MGRN1: variants seen among roughly 807,000 people sequenced by gnomAD.
MGRN1 encodes the protein E3 ubiquitin-protein ligase MGRN1.
MGRN1 carries 29 observed loss-of-function variants against 69.2 expected under a neutral mutation model. The observed-to-expected ratio is 0.42, with a 90% CI of 0.31 to 0.57. MGRN1 has a LOEUF of 0.57. Ranked by LOEUF, MGRN1 falls within the 20% of genes least tolerant of loss-of-function variation. MGRN1 has a pLI of 0.15. For missense variants in MGRN1, 998 were observed against 796.2 expected, an observed-to-expected ratio of 1.25 and a Z score of -3.05; for synonymous variants, 470 against 344.2, an observed-to-expected ratio of 1.37 and a Z score of -4.04.
At chr16:4,630,744 C>G (rs1567166330) in intron 1 of MGRN1, among the ~76,000 whole-genome samples, 1 of 151,320 alleles carries the variant, frequency 6.6e-6, no homozygotes, top group Non-Finnish European at 1.5e-5. Context: ...TGTGCCCGGC[C>G]TTTTCTAGAA....
chr16:4,665,252 G>A lies in MGRN1; in HGVS notation c.678+101G>A. 4 of 1,298,342 alleles carry A rather than the reference G, an allele frequency of 3.1e-6. No homozygotes were observed. In the South Asian group the frequency reaches 5.1e-5, roughly 17 times the overall value. 80.4% of individuals were successfully genotyped at this position (1,298,342 alleles called of 1,614,324 possible). ...TGAGCAGGGGCTGGGGCTTGGTGGG[G>A]TGGCTGAGTGTCAAGGGCCCCGGGG... On this transcript the variant is annotated intron_variant, in intron 7 of 16. Coordinates refer to ENST00000262370, the MANE Select transcript of MGRN1 (RefSeq NM_015246.4).
chr16:4,679,619 C>T (rs551819753), intron 11 of MGRN1, among the ~76,000 whole-genome samples: 9 of 152,340 alleles, frequency 5.9e-5, no homozygotes, highest in East Asian at 3.9e-4. Flanking sequence ...GATAAGTGAG[C>T]GGCGGTGCCT....
chr16:4,643,170 G>T (rs750530687), intron 1 of MGRN1, among the ~76,000 whole-genome samples: 8 of 151,956 alleles, frequency 5.3e-5, no homozygotes, highest in Non-Finnish European at 1.2e-4. Context: ...TGGCCAGGCT[G>T]GTCTCAATCT....
At chr16:4,644,235 A>AC (rs969410880) in intron 1 of MGRN1, among the ~76,000 whole-genome samples, 10 of 134,436 alleles carry the variant, frequency 7.4e-5, no homozygotes, top group African/African-American at 1.4e-4. Context: ...CAAGTGATCC[A>AC]CCCCCCTCAG....
rs752025997 is a variant in MGRN1, at chr16:4,689,187, CGGCTGG to C, written c.*291_*296del. ...GTTCCCCAGGGTCCTGTGGGCTGAG[CGGCTGG>C]GGCTGGGGCTGCCCACGTGTGGCCT... On this transcript the variant is annotated 3_prime_UTR_variant, in exon 17 of 17. Transcript: ENST00000262370. 30 of 402,420 alleles carry C rather than the reference CGGCTGG, an allele frequency of 7.5e-5. No individual in the cohort carries two copies. The highest frequency in any genetic ancestry group is 1.1e-4 in the Non-Finnish European group (26 of 230,844). The allele number at this position is 402,420 out of a possible 1,614,324, so 24.9% of individuals were successfully genotyped here.
At position 4,663,306 on chromosome 16, in the gene MGRN1, C is replaced by T. The variant is rs149248978; in HGVS notation, c.562-1403C>T. Among the ~76,000 whole-genome samples the T allele has an allele frequency of 4.3e-3, 650 of 151,474 alleles. 7 individuals carry two copies. The highest frequency in any genetic ancestry group is 0.015 in the African/African-American group (612 of 41,240). On this transcript the variant is annotated intron_variant, in intron 5 of 16. Transcript: ENST00000262370. ...CTCAAACTGCTGACCTCAGGTGATC[C>T]GCCACCTAGGCCTCCCAAAGTGCTG...
Position 4,652,025 on chromosome 16 carries a change from C to G in MGRN1, c.270C>G (p.Ile90Met). ...PVKTLRSLVNIRKDSLRLVRY... is the reference protein window; with the variant it reads ...PVKTLRSLVNMRKDSLRLVRY... ...AGACGCTGCGGAGCCTGGTGAACAT[C>G]CGCAAAGACTCCCTGCGGCTGGTGA... Residue 90 changes from isoleucine (I) to methionine (M), a missense_variant, in exon 3 of 17, where the codon ATC (isoleucine) becomes ATG (methionine). Ile to Met is a conservative substitution (Grantham distance 10). Transcript: ENST00000262370. 1 of 1,614,052 alleles carries G rather than the reference C, an allele frequency of 6.2e-7. No homozygotes were observed. The highest frequency in any genetic ancestry group is 2.2e-5 in the East Asian group (1 of 44,872).
At chr16:4,683,996 C>A (rs914073624) in intron 16 of MGRN1, 64 bp downstream of exon 16, 2 of 1,426,554 alleles carry the variant, frequency 1.4e-6, no homozygotes, top group Non-Finnish European at 1.9e-6. Flanking sequence ...GGGAGGGGGC[C>A]CTGCTCTGAT....
chr16:4,648,821 T>G (rs2078337296), intron 1 of MGRN1, among the ~76,000 whole-genome samples: 1 of 112,088 alleles, frequency 8.9e-6, no homozygotes, highest in Non-Finnish European at 1.8e-5. Context: ...CTTCCCGTGG[T>G]CACCCGGGTC....
chr16:4,625,578 G>T (rs996680502), intron 1 of MGRN1, among the ~76,000 whole-genome samples: 1 of 152,200 alleles, frequency 6.6e-6, no homozygotes, highest in African/African-American at 2.4e-5. Flanking sequence ...GATTATAGTT[G>T]ATCGGGAGGG....
chr16:4,679,528 G>A (rs1211690379), intron 11 of MGRN1, among the ~76,000 whole-genome samples: 3 of 149,990 alleles, frequency 2.0e-5, no homozygotes, highest in Admixed American at 1.3e-4. Flanking sequence ...TCTCTCCAGC[G>A]AGTGCCTAAA....
intron 16 of MGRN1, chr16:4,686,565 C>G (rs1327035582): frequency 7.5e-7 from 1 of 1,326,182 alleles, no homozygotes; most frequent in Non-Finnish European, 9.6e-7. Flanking sequence ...GGCTCTTCTT[C>G]CAGCCTTGAG....
intron 1 of MGRN1, chr16:4,633,519 C>G (rs1208194990): frequency 2.0e-5 from 3 of 149,408 alleles, no homozygotes; most frequent in African/African-American, 7.4e-5. Flanking sequence ...TGGAGAAGCC[C>G]CATCTCTACT....
At chr16:4,685,291 G>C (rs2079284267) in intron 16 of MGRN1, among the ~76,000 whole-genome samples, 1 of 152,246 alleles carries the variant, frequency 6.6e-6, no homozygotes, top group Non-Finnish European at 1.5e-5. Context: ...TGGCCCTGTG[G>C]GGGAGCATCT....
intron 16 of MGRN1, among the ~76,000 whole-genome samples, chr16:4,685,851 G>A (rs970184476): frequency 1.6e-4 from 25 of 152,196 alleles, no homozygotes; most frequent in Non-Finnish European, 5.9e-5. Flanking sequence ...GAACCCTGCT[G>A]TCCCTGTAGA....
At chr16:4,639,531 A>G (rs2078111637) in intron 1 of MGRN1, among the ~76,000 whole-genome samples, 1 of 152,140 alleles carries the variant, frequency 6.6e-6, no homozygotes, top group Non-Finnish European at 1.5e-5. Context: ...GCTACCTAGG[A>G]TGGAACAGGC....
chr16:4,662,400 C>T (rs12600113), intron 5 of MGRN1, among the ~76,000 whole-genome samples: 56,855 of 151,472 alleles, frequency 0.38, 12,354 homozygotes, highest in East Asian at 0.62. Context: ...CCTATAATCC[C>T]AGTTACTTGG....
chr16:4,685,916 C>T (rs531662580), intron 16 of MGRN1, among the ~76,000 whole-genome samples: 36 of 152,282 alleles, frequency 2.4e-4, no homozygotes, highest in African/African-American at 7.9e-4. Flanking sequence ...TGGACTTGGC[C>T]CTGAGCTCGG....
At chr16:4,637,911 A>G (rs1161438040) in intron 1 of MGRN1, among the ~76,000 whole-genome samples, 2 of 151,924 alleles carry the variant, frequency 1.3e-5, no homozygotes, top group African/African-American at 4.8e-5. Context: ...GGGAGGACAC[A>G]CCCCCAACAA....
Sources: allele counts gnomAD v4.1 joint callset (sites outside exome capture counted in the v4.1 genomes callset), GRCh38; gene constraint gnomAD v4.1.1; transcripts MANE v1.5; gene names NCBI Gene and HGNC (gene_info 2026-07-23, HGNC 2026-07-21).